EPB41L1: variants seen among roughly 807,000 people sequenced by gnomAD.
EPB41L1 encodes the protein band 4.1-like protein 1.
In EPB41L1, 29 loss-of-function variants were observed where a neutral mutation model predicts 97.8. That is an observed-to-expected ratio of 0.30 (90% confidence interval 0.22 to 0.40). EPB41L1 has a LOEUF of 0.40. EPB41L1 is among the 10% of genes least tolerant of loss of function. EPB41L1 has a pLI of 1.00. For synonymous variants in EPB41L1, 383 were observed against 459.2 expected, an observed-to-expected ratio of 0.83 and a Z score of 2.12; for missense variants, 812 against 1,162.3, an observed-to-expected ratio of 0.70 and a Z score of 4.38.
rs1445508337 is a variant in EPB41L1 at position 36,231,980 on chromosome 20, G to C, written c.*2640G>C. On this transcript the variant is annotated 3_prime_UTR_variant, in exon 22 of 22. Transcript: ENST00000338074. Reference sequence around the variant, plus strand: ...CCTCAGAGGGAGGATCCTTGTTGTGGATTTTGCACCTGGCTTTGGGGCAGG... The same window carrying C: ...CCTCAGAGGGAGGATCCTTGTTGTGCATTTTGCACCTGGCTTTGGGGCAGG... The C allele has an allele frequency of 1.3e-5, 2 of 152,952 alleles. No homozygotes were observed. Among genetic ancestry groups the C allele is most frequent in the Non-Finnish European group, 2.9e-5 (2 of 68,210 alleles). 9.5% of individuals were successfully genotyped at this position (152,952 alleles called of 1,614,324 possible).
intron 2 of EPB41L1, among the ~76,000 whole-genome samples, chr20:36,118,129 A>G (rs1198896280): frequency 6.6e-6 from 1 of 152,214 alleles, no homozygotes; most frequent in Non-Finnish European, 1.5e-5. Flanking sequence ...TTAGAGAGGC[A>G]AGGCTAAGAA....
At chr20:36,183,548 C>G (rs1247095285) in intron 6 of EPB41L1, among the ~76,000 whole-genome samples, 2 of 152,206 alleles carry the variant, frequency 1.3e-5, no homozygotes, top group African/African-American at 4.8e-5. Flanking sequence ...TGATACCTCT[C>G]CTGTTTGTGC....
intron 8 of EPB41L1, among the ~76,000 whole-genome samples, chr20:36,188,125 T>C (rs1335274597): frequency 1.3e-5 from 2 of 152,108 alleles, no homozygotes; most frequent in East Asian, 3.9e-4. Flanking sequence ...ACAGAGCAAA[T>C]GATCAAACAA....
intron 11 of EPB41L1, among the ~76,000 whole-genome samples, chr20:36,191,758 A>G (rs73289634): frequency 0.026 from 3,890 of 152,274 alleles, 124 homozygotes; most frequent in East Asian, 0.13. Context: ...TAAGCAACTT[A>G]TTTAACTCCC....
At chr20:36,132,023 T>C (rs186923376) in intron 2 of EPB41L1, among the ~76,000 whole-genome samples, 16 of 152,242 alleles carry the variant, frequency 1.1e-4, no homozygotes, top group Non-Finnish European at 1.9e-4. Context: ...CCCAGAGGTA[T>C]ATCCAGGGGA....
rs761382038 is a variant in EPB41L1, at chr20:36,175,587, G to A, written c.214G>A (p.Asp72Asn). Residue 72 changes from aspartate to asparagine, a missense_variant, in exon 3 of 22, where the codon GAT (aspartate) becomes AAT (asparagine). Asp to Asn is a conservative substitution (Grantham distance 23). Coordinates refer to ENST00000338074, the MANE Select transcript of EPB41L1 (RefSeq NM_012156.2). ...DMEEKDYSEA[D>N]GLSERTTPSK... is the part of the protein sequence containing the mutation. ...GGAGGAGAAGGACTACAGTGAGGCC[G>A]ATGGCCTTTCGGAGAGGACCACGCC... is the stretch of plus-strand genomic sequence containing the variant. 1.3e-5 allele frequency: 21 copies of A among 1,614,184 alleles called. No homozygotes were observed. Among genetic ancestry groups the A allele is most frequent in the South Asian group, 2.2e-5 (2 of 91,084 alleles).
At chr20:36,174,003 C>A in intron 2 of EPB41L1, 49 bp downstream of exon 2, 1 of 1,570,392 alleles carries the variant, frequency 6.4e-7, no homozygotes, top group Non-Finnish European at 8.7e-7. Context: ...GACCGTCCTC[C>A]AGGTCCAGTT....
At chr20:36,189,242 C>T (rs1180104223) in intron 9 of EPB41L1, among the ~76,000 whole-genome samples, 2 of 152,186 alleles carry the variant, frequency 1.3e-5, no homozygotes, top group African/African-American at 4.8e-5. Flanking sequence ...GCCTCTGGTG[C>T]TCTCCAGGTC....
At position 36,190,129 on chromosome 20, in the gene EPB41L1, T is replaced by C; in HGVS notation, c.1027-148T>C. ...AATTCAAGGTTACAGTGAGCTATGA[T>C]TGCGCCACTGTACTCCACCCTGGGC... On this transcript the variant is annotated intron_variant, in intron 9 of 21. Coordinates refer to ENST00000338074, the MANE Select transcript of EPB41L1 (RefSeq NM_012156.2). This position sits in a 1 kb window ranked among gnomAD's most constrained non-coding sequence, Gnocchi z 5.8. 1.5e-6 allele frequency: 1 copy of C among 670,206 alleles called. No individual in the cohort carries two copies. Among genetic ancestry groups the C allele is most frequent in the East Asian group, 2.8e-5 (1 of 35,280 alleles). 41.5% of individuals were successfully genotyped at this position (670,206 alleles called of 1,614,324 possible).
intron 2 of EPB41L1, among the ~76,000 whole-genome samples, chr20:36,123,692 A>G (rs1600421963): frequency 6.6e-6 from 1 of 152,200 alleles, no homozygotes; most frequent in African/African-American, 2.4e-5. Flanking sequence ...TTGGCTTCCC[A>G]AAGTGCTTGG....
At chr20:36,217,617 A>G (rs2063520848) in intron 17 of EPB41L1, among the ~76,000 whole-genome samples, 1 of 152,198 alleles carries the variant, frequency 6.6e-6, no homozygotes, top group Non-Finnish European at 1.5e-5. Context: ...ACTTCCCAGA[A>G]TGATGCTAGG....
chr20:36,195,408 C>T lies in EPB41L1; in HGVS notation c.1485+44C>T. ...CCCTCCCTACCCAGCCGTTCCCATC[C>T]CTAGCTCATTTGTCACCATCCCACA... On this transcript the variant is annotated intron_variant, in intron 13 of 21. Transcript: ENST00000338074. The surrounding 1 kb of genome is among the most constrained non-coding windows in gnomAD (Gnocchi z 4.6). 1 of 1,610,586 alleles carries T rather than the reference C, an allele frequency of 6.2e-7. No individual in the cohort carries two copies. Among genetic ancestry groups the T allele is most frequent in the East Asian group, 2.2e-5 (1 of 44,866 alleles).
At chr20:36,095,174 G>A (rs1036878767) in intron 1 of EPB41L1, among the ~76,000 whole-genome samples, 4 of 152,132 alleles carry the variant, frequency 2.6e-5, no homozygotes, top group African/African-American at 9.7e-5. Context: ...GTTTTGCCAT[G>A]TTGGCCAAGC....
rs1300963439 is a variant in EPB41L1 at position 36,212,353 on chromosome 20, G to T, written c.2161G>T (p.Val721Phe). ...GCCGGAGGCCGTACTGCAGACCAGA[G>T]TCTCCGCTATGGATAACACCCAGGT... ...IEPEAVLQTR[V>F]SAMDNTQQVD... The change falls in exon 16 of 22, where the codon GTC (valine) becomes TTC (phenylalanine). Residue 721 changes from valine (V) to phenylalanine (F), a missense_variant. By Grantham distance (50) the Val-to-Phe change is conservative. Coordinates refer to ENST00000338074, the MANE Select transcript of EPB41L1 (RefSeq NM_012156.2). The surrounding 1 kb of genome is among the most constrained non-coding windows in gnomAD (Gnocchi z 4.8). 4.3e-6 allele frequency: 7 copies of T among 1,614,202 alleles called. No homozygotes were observed. Among genetic ancestry groups the T allele is most frequent in the South Asian group, 3.3e-5 (3 of 91,080 alleles).
intron 1 of EPB41L1, among the ~76,000 whole-genome samples, chr20:36,160,579 GA>G (rs1184630956): frequency 6.7e-6 from 1 of 150,090 alleles, no homozygotes; most frequent in Non-Finnish European, 1.5e-5. Flanking sequence ...GACAGAGCGA[GA>G]CTCCGTCACA....
At chr20:36,194,091 G>T in intron 11 of EPB41L1, 121 bp from the exon 12 acceptor site, 1 of 1,327,104 alleles carries the variant, frequency 7.5e-7, no homozygotes, top group East Asian at 2.4e-5. Context: ...CTGGGCAATG[G>T]GTGAGGGGTG....
intron 1 of EPB41L1, among the ~76,000 whole-genome samples, chr20:36,094,619 G>T (rs1316254713): frequency 6.6e-6 from 1 of 152,198 alleles, no homozygotes; most frequent in Admixed American, 6.5e-5. Context: ...GGAGCTGGGA[G>T]TGTAAAAGGA....
At chr20:36,122,339 C>G (rs908497798) in intron 2 of EPB41L1, among the ~76,000 whole-genome samples, 1 of 152,224 alleles carries the variant, frequency 6.6e-6, no homozygotes, top group Non-Finnish European at 1.5e-5. Context: ...CTGGTGAGTC[C>G]TGCTGTACAC....
intron 2 of EPB41L1, among the ~76,000 whole-genome samples, chr20:36,138,639 C>T (rs370937547): frequency 6.6e-6 from 1 of 152,292 alleles, no homozygotes; most frequent in East Asian, 1.9e-4. Context: ...ACATATATTG[C>T]CTCACTCAAT....
Sources: gnomAD v4.1 joint callset for allele counts (sites outside exome capture counted in the v4.1 genomes callset) on GRCh38, gnomAD v4.1.1 for gene constraint, Gnocchi (gnomAD v3.1) non-coding constraint, MANE v1.5 for transcripts, NCBI Gene and HGNC (gene_info 2026-07-23, HGNC 2026-07-21) for gene names.